MGAM2: variants seen among roughly 807,000 people sequenced by gnomAD.
The protein encoded by MGAM2 is maltase-glucoamylase 2 (putative).
Under a neutral mutation model 96.1 loss-of-function variants are expected in MGAM2, and 98 were observed. The observed-to-expected ratio is 1.02, with a 90% CI of 0.87 to 1.21. MGAM2 has a LOEUF of 1.21. MGAM2 is among the 50% of genes most tolerant of loss of function. The pLI, the probability that MGAM2 is intolerant of heterozygous loss-of-function variation, is 0.00. For missense variants in MGAM2, 2,055 were observed against 1,182.4 expected, an observed-to-expected ratio of 1.74 and a Z score of -10.82; for synonymous variants, 749 against 414.8, an observed-to-expected ratio of 1.81 and a Z score of -9.79.
intron 45 of MGAM2, among the ~76,000 whole-genome samples, chr7:142,205,861 A>G (rs1797385809): frequency 6.6e-6 from 1 of 152,108 alleles, no homozygotes; most frequent in Non-Finnish European, 1.5e-5. Context: ...AAACCATTGC[A>G]CATTACAAAG....
At chr7:142,207,437 T>C (rs1019812945) in intron 45 of MGAM2, among the ~76,000 whole-genome samples, 1 of 152,008 alleles carries the variant, frequency 6.6e-6, no homozygotes, top group Admixed American at 6.6e-5. Flanking sequence ...TTTTTATTTA[T>C]TTTTTTGAGA....
At chr7:142,197,758 T>G in intron 42 of MGAM2, 30 bp downstream of exon 42, 3 of 702,910 alleles carry the variant, frequency 4.3e-6, no homozygotes, top group Non-Finnish European at 7.8e-6. Context: ...TCAGAAAACC[T>G]TCAATCACAT....
At chr7:142,218,970 C>T (rs976732226) in intron 47 of MGAM2, among the ~76,000 whole-genome samples, 3 of 152,086 alleles carry the variant, frequency 2.0e-5, no homozygotes, top group African/African-American at 4.8e-5. Flanking sequence ...TATAGGTAGA[C>T]GAAAATTGGC....
At position 142,220,915 on chromosome 7, in the gene MGAM2, G is replaced by A; in HGVS notation, c.6404G>A (p.Ser2135Asn). ...ACAGGTACTACTGATGTTAGCACTA[G>A]TACTACTATTAATAATATAAGTACT... Reference protein sequence around the residue: ...SLTGTTDVSTSTTINNISTPV... With the variant: ...SLTGTTDVSTNTTINNISTPV... The change falls in exon 48 of 48, where the codon AGT (serine) becomes AAT (asparagine). Residue 2135 changes from serine to asparagine, a missense_variant. Physicochemically the swap from Ser to Asn is conservative, Grantham distance 46. Transcript: ENST00000477922. 1 of 701,764 alleles carries A rather than the reference G, an allele frequency of 1.4e-6. No individual in the cohort carries two copies. The highest frequency in any genetic ancestry group is 2.6e-6 in the Non-Finnish European group (1 of 384,694). The allele number at this position is 701,764 out of a possible 1,614,324, so 43.5% of individuals were successfully genotyped here.
intron 3 of MGAM2, among the ~76,000 whole-genome samples, chr7:142,128,260 T>C (rs949582354): frequency 1.3e-5 from 2 of 152,200 alleles, no homozygotes; most frequent in Non-Finnish European, 2.9e-5. Context: ...TCAGCTTATG[T>C]ATTCATGAAG....
At chr7:142,155,990 A>G (rs761427320) in intron 17 of MGAM2, among the ~76,000 whole-genome samples, 10 of 152,186 alleles carry the variant, frequency 6.6e-5, no homozygotes, top group Non-Finnish European at 1.5e-4. Context: ...TACTAAAAAT[A>G]CAAAATTAGC....
chr7:142,116,579 T>G (rs1156870455), intron 1 of MGAM2, among the ~76,000 whole-genome samples: 4 of 152,224 alleles, frequency 2.6e-5, no homozygotes, highest in Non-Finnish European at 5.9e-5. Flanking sequence ...CTTCTGTGTG[T>G]TATTCCACAA....
intron 15 of MGAM2, among the ~76,000 whole-genome samples, chr7:142,149,641 C>T (rs34366988): frequency 0.23 from 33,905 of 150,628 alleles, 4,036 homozygotes; most frequent in Admixed American, 0.28. Flanking sequence ...CCTGGGTTCA[C>T]GCCATTCTCC....
intron 2 of MGAM2, among the ~76,000 whole-genome samples, chr7:142,118,079 T>C (rs2129073761): frequency 6.6e-6 from 1 of 152,314 alleles, no homozygotes; most frequent in South Asian, 2.1e-4. Context: ...AGTATTGTTA[T>C]CTATTGAAAC....
chr7:142,119,773 C>T (rs934253374), intron 2 of MGAM2, among the ~76,000 whole-genome samples: 1 of 152,160 alleles, frequency 6.6e-6, no homozygotes, highest in East Asian at 1.9e-4. Flanking sequence ...CCTGCAAAAC[C>T]TTATGCCAGG....
rs193283094 is a variant in MGAM2, at chr7:142,203,632, G to T, written c.5137+3664G>T. Among the ~76,000 whole-genome samples the T allele has an allele frequency of 2.2e-3, 342 of 152,176 alleles. 2 individuals carry two copies. Among genetic ancestry groups the T allele is most frequent in the African/African-American group, 7.9e-3 (329 of 41,518 alleles). ...AGGCTATAGTAACCAAAATAGCATA[G>T]TACTGGTATAAAAACAGACACATAG... is the stretch of plus-strand genomic sequence containing the variant. On this transcript the variant is annotated intron_variant, in intron 45 of 47. Coordinates refer to ENST00000477922, the MANE Select transcript of MGAM2 (RefSeq NM_001293626.2).
chr7:142,144,779 G>C (rs1176548577), intron 13 of MGAM2, 82 bp from the exon 14 acceptor site: 1 of 601,520 alleles, frequency 1.7e-6, no homozygotes, highest in East Asian at 3.0e-5. Flanking sequence ...AGATATCCTG[G>C]CTCCTAGTTC....
chr7:142,147,113 T>A (rs749345895), intron 14 of MGAM2, among the ~76,000 whole-genome samples: 1 of 152,194 alleles, frequency 6.6e-6, no homozygotes, highest in Non-Finnish European at 1.5e-5. Context: ...GTACACTCAA[T>A]TTCTCTTGAT....
At chr7:142,186,931 AAG>A (rs1369381032) in intron 35 of MGAM2, among the ~76,000 whole-genome samples, 1 of 151,630 alleles carries the variant, frequency 6.6e-6, no homozygotes, top group Non-Finnish European at 1.5e-5. Flanking sequence ...CTTTGAGAAT[AAG>A]AGATGCTGAT....
At chr7:142,140,596 A>G (rs1386356603) in intron 10 of MGAM2, among the ~76,000 whole-genome samples, 1 of 152,238 alleles carries the variant, frequency 6.6e-6, no homozygotes, top group African/African-American at 2.4e-5. Context: ...TGCACCTGTC[A>G]GGACAAGGAG....
Position 142,221,630 on chromosome 7 carries a change from A to C in MGAM2, c.7119A>C (p.Thr2373=), listed in dbSNP as rs1470531235. ...ATAATACCATGAGTCCAGATACAAC[A>C]GTTACTTCCATAGACAAATTCACCA... ...TKDNTMSPDT[T]VTSIDKFTTH... is the part of the protein sequence containing the mutation. The change falls in exon 48 of 48, where the codon ACA becomes ACC. Residue 2373 remains threonine, a synonymous_variant. Transcript: ENST00000477922. 2 of 466,070 alleles carry C rather than the reference A, an allele frequency of 4.3e-6. No individual in the cohort carries two copies. The highest frequency in any genetic ancestry group is 7.5e-6 in the Non-Finnish European group (2 of 266,812). 28.9% of individuals were successfully genotyped at this position (466,070 alleles called of 1,614,324 possible).
At position 142,183,950 on chromosome 7, in the gene MGAM2, C is replaced by CTTTTTTTTTTTTTTTTTT. The variant is rs748299647; in HGVS notation, c.3924+600_3924+617dup. Among the ~76,000 whole-genome samples, 2 of 46,148 alleles carry CTTTTTTTTTTTTTTTTTT rather than the reference C, an allele frequency of 4.3e-5. 1 individual carries two copies. Among genetic ancestry groups the CTTTTTTTTTTTTTTTTTT allele is most frequent in the African/African-American group, 1.1e-4 (2 of 17,804 alleles). 30.3% of individuals were successfully genotyped at this position (46,148 alleles called of 152,430 possible). The stretch of plus-strand genomic sequence containing the variant: ...ACTGCTCTGGATGTATTCCAGGCTC[C>CTTTTTTTTTTTTTTTTTT]TTTTTTTTTTTTTTTTTTTTTTTTT... On this transcript the variant is annotated intron_variant, in intron 33 of 47. Coordinates refer to ENST00000477922, the MANE Select transcript of MGAM2 (RefSeq NM_001293626.2).
intron 15 of MGAM2, among the ~76,000 whole-genome samples, chr7:142,149,649 T>A (rs948187696): frequency 2.0e-5 from 3 of 151,864 alleles, no homozygotes; most frequent in Non-Finnish European, 4.4e-5. Flanking sequence ...CACGCCATTC[T>A]CCTGCCTCAG....
Position 142,179,786 on chromosome 7 carries a change from G to A in MGAM2, c.3817-3480G>A, listed in dbSNP as rs184486176. Among the ~76,000 whole-genome samples the A allele has an allele frequency of 1.7e-3, 261 of 152,180 alleles. 1 individual carries two copies. Among genetic ancestry groups the A allele is most frequent in the Non-Finnish European group, 2.6e-3 (177 of 67,982 alleles). On this transcript the variant is annotated intron_variant, in intron 32 of 47. Coordinates refer to ENST00000477922, the MANE Select transcript of MGAM2 (RefSeq NM_001293626.2). Reference sequence around the variant, plus strand: ...TGTTAGTCTTTTGTTGAGGATTTTTGCATCTATGTTCATCAGGGATATCAG... The same window carrying A: ...TGTTAGTCTTTTGTTGAGGATTTTTACATCTATGTTCATCAGGGATATCAG...
Sources: allele counts gnomAD v4.1 joint callset (sites outside exome capture counted in the v4.1 genomes callset), GRCh38; gene constraint gnomAD v4.1.1; transcripts MANE v1.5; gene names NCBI Gene and HGNC (gene_info 2026-07-23, HGNC 2026-07-21).